Variants in MAPK8 observed in about 807,000 individuals in gnomAD.
MAPK8 encodes mitogen-activated protein kinase 8, also known as JUN N-terminal kinase.
Under a neutral mutation model 52.9 loss-of-function variants are expected in MAPK8, and 13 were observed. The observed-to-expected ratio is 0.25, with a 90% CI of 0.16 to 0.39. The LOEUF is 0.39. Ranked by LOEUF, MAPK8 falls within the 10% of genes least tolerant of loss-of-function variation. MAPK8 has a pLI of 1.00. For synonymous variants in MAPK8, 191 were observed against 169.8 expected, an observed-to-expected ratio of 1.12 and a Z score of -0.97; for missense variants, 300 against 519.2, an observed-to-expected ratio of 0.58 and a Z score of 4.10.
intron 1 of MAPK8, among the ~76,000 whole-genome samples, chr10:48,327,683 G>A (rs1588953606): frequency 6.6e-6 from 1 of 152,230 alleles, no homozygotes; most frequent in East Asian, 1.9e-4. Context: ...TAAATGTTTG[G>A]AATAATTCAC....
intron 10 of MAPK8, chr10:48,427,376 T>G (rs2043750669): frequency 2.4e-6 from 1 of 408,836 alleles, no homozygotes; most frequent in Admixed American, 3.6e-5. Context: ...CTCATATTTT[T>G]TTCCATGGTT....
At chr10:48,330,491 A>G (rs1274958324) in intron 1 of MAPK8, among the ~76,000 whole-genome samples, 1 of 152,222 alleles carries the variant, frequency 6.6e-6, no homozygotes, top group African/African-American at 2.4e-5. Flanking sequence ...GCTGTCTGAA[A>G]TTAAGCCAGA....
intron 1 of MAPK8, among the ~76,000 whole-genome samples, chr10:48,395,908 A>G (rs2041864082): frequency 6.6e-6 from 1 of 152,140 alleles, no homozygotes; most frequent in East Asian, 1.9e-4. Flanking sequence ...AACAAATGGT[A>G]TTAGTATAAT....
chr10:48,431,141 G>A (rs2044211205), intron 10 of MAPK8, 52 bp from the exon 11 acceptor site: 2 of 1,150,634 alleles, frequency 1.7e-6, no homozygotes, highest in Admixed American at 1.7e-5. Flanking sequence ...CATGCGTTGT[G>A]AGATTGGCTC....
chr10:48,426,342 T>C, intron 8 of MAPK8, 38 bp from the exon 9 acceptor site: 5 of 1,528,790 alleles, frequency 3.3e-6, no homozygotes, highest in Non-Finnish European at 4.4e-6. Context: ...TTGAGAATCT[T>C]TACAAATATA....
At chr10:48,427,000 G>A (rs2133248337) in intron 9 of MAPK8, 80 bp from the exon 10 acceptor site, 1 of 967,416 alleles carries the variant, frequency 1.0e-6, no homozygotes, top group Non-Finnish European at 1.7e-6. Context: ...AGTCATCTGT[G>A]TGGCTAATAT....
chr10:48,389,026 A>G (rs2041480821), intron 1 of MAPK8, among the ~76,000 whole-genome samples: 1 of 152,120 alleles, frequency 6.6e-6, no homozygotes, highest in South Asian at 2.1e-4. Context: ...CCTATATTTC[A>G]CATATTGTTT....
chr10:48,425,015 C>G (rs2043590020), intron 7 of MAPK8, among the ~76,000 whole-genome samples: 1 of 152,084 alleles, frequency 6.6e-6, no homozygotes, highest in African/African-American at 2.4e-5. Context: ...TCATTACTCA[C>G]ATAACATACT....
At chr10:48,370,942 A>G (rs1376168323) in intron 1 of MAPK8, among the ~76,000 whole-genome samples, 2 of 152,138 alleles carry the variant, frequency 1.3e-5, no homozygotes, top group Admixed American at 6.6e-5. Flanking sequence ...ATGTACATTT[A>G]AGGAGTAAGA....
At chr10:48,337,772 A>G (rs1447592334) in intron 1 of MAPK8, among the ~76,000 whole-genome samples, 2 of 152,172 alleles carry the variant, frequency 1.3e-5, no homozygotes, top group African/African-American at 4.8e-5. Context: ...ATGTCATTAC[A>G]GTGGATACCA....
intron 11 of MAPK8, 74 bp from the exon 12 acceptor site, chr10:48,434,810 C>T (rs147676307): frequency 0.011 from 14,399 of 1,293,070 alleles, 129 homozygotes; most frequent in Admixed American, 0.024. Context: ...CCACTGGAGG[C>T]AGTCAGTGCA....
intron 1 of MAPK8, among the ~76,000 whole-genome samples, chr10:48,338,478 GA>G (rs1425783043): frequency 6.6e-6 from 1 of 152,084 alleles, no homozygotes; most frequent in African/African-American, 2.4e-5. Context: ...ACATCATCCT[GA>G]ATGAGCAAAA....
intron 1 of MAPK8, among the ~76,000 whole-genome samples, chr10:48,356,961 C>T (rs551082898): frequency 2.2e-5 from 3 of 137,148 alleles, no homozygotes; most frequent in South Asian, 4.9e-4. Context: ...AAAGATATAT[C>T]GTGCAAATAC....
intron 1 of MAPK8, among the ~76,000 whole-genome samples, chr10:48,316,973 C>G (rs981293443): frequency 6.6e-6 from 1 of 152,110 alleles, no homozygotes; most frequent in Admixed American, 6.6e-5. Context: ...TATCATATAC[C>G]AGGCACTGTT....
chr10:48,410,586 G>A (rs138399979), intron 5 of MAPK8, among the ~76,000 whole-genome samples: 3,705 of 152,138 alleles, frequency 0.024, 70 homozygotes, highest in South Asian at 0.056. Flanking sequence ...ATTATGGATC[G>A]TGCTATGAAA....
chr10:48,400,469 A>G (rs2042104428), intron 1 of MAPK8, among the ~76,000 whole-genome samples: 1 of 152,132 alleles, frequency 6.6e-6, no homozygotes, highest in South Asian at 2.1e-4. Context: ...AAAAGTTCAT[A>G]TTCCACTCTT....
intron 1 of MAPK8, among the ~76,000 whole-genome samples, chr10:48,340,903 T>C (rs754956105): frequency 1.3e-5 from 2 of 152,246 alleles, no homozygotes; most frequent in Non-Finnish European, 2.9e-5. Flanking sequence ...AAAGTTTCCA[T>C]ACTGTGTTTG....
At chr10:48,320,671 A>G (rs1842915692) in intron 1 of MAPK8, among the ~76,000 whole-genome samples, 1 of 152,220 alleles carries the variant, frequency 6.6e-6, no homozygotes, top group South Asian at 2.1e-4. Context: ...TACACAAGTT[A>G]TGAATATGAA....
At position 48,404,998 on chromosome 10, in the gene MAPK8, G is replaced by A. The variant is rs1478313497; in HGVS notation, c.252+17G>A. 6.3e-7 allele frequency: 1 copy of A among 1,575,262 alleles called. No individual in the cohort carries two copies. The highest frequency in any genetic ancestry group is 2.3e-5 in the East Asian group (1 of 44,282). On this transcript the variant is annotated intron_variant, in intron 3 of 11. Coordinates refer to ENST00000374189, the MANE Select transcript of MAPK8 (RefSeq NM_001323329.2). ...CACAAAAATGTAAGTGAACATTTTT[G>A]GTTTCCTAAGTATAGATGAAATCAA...
Sources: allele counts gnomAD v4.1 joint callset (sites outside exome capture counted in the v4.1 genomes callset), GRCh38; gene constraint gnomAD v4.1.1; transcripts MANE v1.5; gene names NCBI Gene and HGNC (gene_info 2026-07-23, HGNC 2026-07-21).